ADGRE2: variants seen among roughly 807,000 people sequenced by gnomAD.
ADGRE2 encodes the protein CD97 antigen.
A neutral mutation model predicts 100.8 loss-of-function variants in ADGRE2; 83 were observed. The ratio of observed to expected loss-of-function variants is 0.82; its 90% CI spans 0.69 to 0.99. The LOEUF (loss-of-function observed/expected upper bound fraction) is 0.99, where lower values mean the gene tolerates loss of function less well. Ranked by LOEUF, ADGRE2 falls within the 50% of genes least tolerant of loss-of-function variation. The probability of loss-of-function intolerance (pLI) is 0.00; values close to 1 mark genes in which losing one functional copy is unlikely to be tolerated. For synonymous variants in ADGRE2, 355 were observed against 413.0 expected (o/e 0.86, Z 1.70); for missense variants, 814 against 1,035.7 (o/e 0.79, Z 2.94).
rs1454483108 is a variant in ADGRE2, at chr19:14,735,207, T to A, written c.*1029A>T. The A allele has an allele frequency of 6.6e-6, 1 of 152,216 alleles. No individual in the cohort carries two copies. The highest frequency in any genetic ancestry group is 1.5e-5 in the Non-Finnish European group (1 of 68,046). The allele number at this position is 152,216 out of a possible 1,614,324, so 9.4% of individuals were successfully genotyped here. On this transcript the variant is annotated 3_prime_UTR_variant, in exon 21 of 21. Transcript: ENST00000315576. ...GGACTTCCTACCCTTGCTATTTGCC[T>A]AAATGATTTCTCCTTAACTCCTATA...
chr19:14,765,535 C>T lies in ADGRE2; in HGVS notation c.817G>A (p.Val273Ile). 6.2e-7 allele frequency: 1 copy of T among 1,614,162 alleles called. No homozygotes were observed. Among genetic ancestry groups the T allele is most frequent in the South Asian group, 1.1e-5 (1 of 91,084 alleles). The change falls in exon 9 of 21, where the codon GTC becomes ATC. Residue 273 changes from valine to isoleucine, a missense_variant. Physicochemically the swap from Val to Ile is conservative, Grantham distance 29 (BLOSUM62 3). Transcript: ENST00000315576. The stretch of plus-strand genomic sequence containing the variant: ...TGGGGGCCACTCACCTGGCTGTGGA[C>T]TCCAGGGGGCGGGGTCCAGGTGGAG... ...TFSTWTPPPG[V>I]HSQTLSRFFD...
intron 6 of ADGRE2, 25 bp from the exon 7 acceptor site, chr19:14,766,406 A>G: frequency 6.3e-7 from 1 of 1,598,442 alleles, no homozygotes; most frequent in Non-Finnish European, 8.5e-7. Context: ...AGAGGGTCAA[A>G]CCCTGTCCCT....
At position 14,776,925 on chromosome 19, in the gene ADGRE2, C is replaced by T. The variant is rs2044464904; in HGVS notation, c.-169G>A. 5 of 1,453,044 alleles carry T rather than the reference C, an allele frequency of 3.4e-6. No homozygotes were observed. In the South Asian group the frequency reaches 4.0e-5, roughly 12 times the overall value. The allele number at this position is 1,453,044 out of a possible 1,614,324, so 90.0% of individuals were successfully genotyped here. A position where few individuals can be genotyped will look rare whatever the true frequency, so the allele number is the denominator to read the frequency against. On this transcript the variant is annotated splice_region_variant and 5_prime_UTR_variant, in exon 2 of 21. Coordinates refer to ENST00000315576, the MANE Select transcript of ADGRE2 (RefSeq NM_013447.4). ...AGGGCCCTCCCCGGAACTGGCGGTG[C>T]AGCTGGAAGCCAGCAGGAAAGCACA...
At position 14,755,736 on chromosome 19, in the gene ADGRE2, A is replaced by G. The variant is rs146325095; in HGVS notation, c.1334T>C (p.Leu445Pro). 2.5e-5 allele frequency: 40 copies of G among 1,614,186 alleles called. No homozygotes were observed. In the African/African-American group the frequency reaches 5.3e-4, roughly 22 times the overall value. The part of the protein sequence containing the change: ...GLLQDGSPIL[L>P]SDVISAFLSN... ...CAGAAAGGCAGAGATCACATCTGAG[A>G]GCAGGATGGGGGAGCCGTCCTGCAG... The change falls in exon 13 of 21, where the codon CTC becomes CCC. Residue 445 changes from leucine to proline, a missense_variant. Coordinates refer to ENST00000315576, the MANE Select transcript of ADGRE2 (RefSeq NM_013447.4).
rs573532732 is a variant in ADGRE2, at chr19:14,743,561, T to C, written c.2353-31A>G. On this transcript the variant is annotated intron_variant, in intron 19 of 20. Transcript: ENST00000315576. ...GAGGCAAAGTGTGTACTGGGTCAGC[T>C]CACAGAGAGCAGTGAGGACAGGAAG... is the stretch of plus-strand genomic sequence containing the variant. The C allele has an allele frequency of 4.8e-4, 776 of 1,613,354 alleles. 13 individuals carry two copies. In the South Asian group the frequency reaches 8.2e-3, roughly 17 times the overall value.
intron 11 of ADGRE2, among the ~76,000 whole-genome samples, chr19:14,758,008 G>A (rs1021878752): frequency 6.6e-5 from 10 of 152,034 alleles, no homozygotes; most frequent in Admixed American, 2.0e-4. Context: ...ACAGGGTTTC[G>A]CCTTGTTGGC....
At chr19:14,727,396 C>T (rs1480204937), downstream of ADGRE2, among the ~76,000 whole-genome samples, 1 of 152,130 alleles carries the variant, frequency 6.6e-6, no homozygotes, top group Non-Finnish European at 1.5e-5. Context: ...ATCTGCTTGT[C>T]TTCTGGTGAG....
At chr19:14,736,806 A>ATATATATT (rs2042762132) in intron 20 of ADGRE2, among the ~76,000 whole-genome samples, 2 of 80,458 alleles carry the variant, frequency 2.5e-5, no homozygotes, top group African/African-American at 1.2e-4. Context: ...TTAGAAATAT[A>ATATATATT]TAGATATTTA....
At chr19:14,762,442 A>C (rs1397463297) in intron 11 of ADGRE2, among the ~76,000 whole-genome samples, 1 of 152,096 alleles carries the variant, frequency 6.6e-6, no homozygotes, top group Non-Finnish European at 1.5e-5. Context: ...AGGAAAATCC[A>C]TGGAAACAGA....
At chr19:14,741,755 G>A (rs1255619618) in intron 20 of ADGRE2, 1 of 287,892 alleles carries the variant, frequency 3.5e-6, no homozygotes, top group Non-Finnish European at 6.4e-6. Context: ...AAAGTGCTGG[G>A]ATTACAGGCA....
intron 14 of ADGRE2, among the ~76,000 whole-genome samples, chr19:14,753,035 G>T (rs2043351901): frequency 6.6e-6 from 1 of 151,864 alleles, no homozygotes; most frequent in Non-Finnish European, 1.5e-5. Flanking sequence ...CTCCCAAAGT[G>T]CTGGGATTAC....
chr19:14,774,674 T>TTTTCTTTCTTACTTTCTTTC (rs2044355812), intron 2 of ADGRE2, among the ~76,000 whole-genome samples: 1 of 68,960 alleles, frequency 1.5e-5, no homozygotes, highest in Non-Finnish European at 3.8e-5. Flanking sequence ...ATATTTTAAA[T>TTTTCTTTCTTACTTTCTTTC]TTTCTTTCTT....
intron 4 of ADGRE2, 102 bp downstream of exon 4, chr19:14,773,836 A>T (rs181649470): frequency 2.1e-4 from 217 of 1,048,380 alleles, no homozygotes; most frequent in Non-Finnish European, 3.1e-4. Context: ...ATAGTCTGGA[A>T]GGTAAGGCTG....
intron 20 of ADGRE2, among the ~76,000 whole-genome samples, chr19:14,737,184 C>CT (rs112890797): frequency 1.0e-3 from 147 of 141,774 alleles, no homozygotes; most frequent in East Asian, 1.6e-3. Context: ...TTTAAGAAGT[C>CT]TTTTTTTTTT....
At chr19:14,746,353 T>TCTTGTTTTGTTG in intron 17 of ADGRE2, 30 bp from the exon 18 acceptor site, 1 of 1,309,984 alleles carries the variant, frequency 7.6e-7, no homozygotes, top group Non-Finnish European at 1.1e-6. Flanking sequence ...ATTTGTTGAA[T>TCTTGTTTTGTTG]AGATTTTGAA....
chr19:14,751,917 A>G lies in ADGRE2; in HGVS notation c.1789-246T>C, dbSNP rs1233340604. Among the ~76,000 whole-genome samples, 35 of 116,856 alleles carry G rather than the reference A, an allele frequency of 3.0e-4. 2 individuals carry two copies. Among genetic ancestry groups the G allele is most frequent in the East Asian group, 6.9e-4 (3 of 4,378 alleles). The allele number at this position is 116,856 out of a possible 152,430, so 76.7% of individuals were successfully genotyped here. ...TACACACACACACACACACACATAT[A>G]TATATATATATATATTTTTTTTTTT... On this transcript the variant is annotated intron_variant, in intron 15 of 20. Coordinates refer to ENST00000315576, the MANE Select transcript of ADGRE2 (RefSeq NM_013447.4).
chr19:14,772,695 G>A (rs2044255251), intron 4 of ADGRE2, among the ~76,000 whole-genome samples, 198 bp from the exon 5 acceptor site: 1 of 149,250 alleles, frequency 6.7e-6, no homozygotes, highest in Admixed American at 6.8e-5. Flanking sequence ...TCTCTGGCTG[G>A]CATCCTAGAT....
intron 20 of ADGRE2, chr19:14,742,120 T>C (rs2042950497): frequency 2.5e-6 from 1 of 398,502 alleles, no homozygotes; most frequent in Admixed American, 4.4e-5. Context: ...ACTGAGATCA[T>C]TGCTAATGGT....
At chr19:14,754,832 A>G (rs2043430646) in intron 14 of ADGRE2, 122 bp downstream of exon 14, 3 of 1,093,854 alleles carry the variant, frequency 2.7e-6, no homozygotes, top group Non-Finnish European at 2.6e-6. Flanking sequence ...CCATCTTGCT[A>G]TGCCAGCTTG....
Sources: gnomAD v4.1 joint callset for allele counts (sites outside exome capture counted in the v4.1 genomes callset) on GRCh38, gnomAD v4.1.1 for gene constraint, MANE v1.5 for transcripts, NCBI Gene and HGNC (gene_info 2026-07-23, HGNC 2026-07-21) for gene names.